The following RMST variants were observed in gnomAD, a reference collection of about 807,000 sequenced individuals.
The protein encoded by RMST is rhabdomyosarcoma 2 associated transcript.
rs1461019596 is a variant in RMST at position 97,558,965 on chromosome 12, A to G, written n.1546-1572A>G. Among the ~76,000 whole-genome samples the G allele has an allele frequency of 3.9e-5, 6 of 152,200 alleles. No homozygotes were observed. In the East Asian group the frequency reaches 1.2e-3, roughly 29 times the overall value. On this transcript the variant is annotated intron_variant and non_coding_transcript_variant, in intron 11 of 13. Coordinates refer to ENST00000640149, the Ensembl canonical transcript of RMST. ...CACTCACTGCAAATATACTCTTCCT[A>G]GAGGGAATGTTCTGAAAATTTGGTC...
chr12:97,511,146 C>T lies in RMST; in HGVS notation n.1340+15090C>T, dbSNP rs577744237. Reference sequence around the variant, plus strand: ...ATAAACTCTCTGGGAAATTGTACTTCCTTCTTTTTTTTTTTTTTTTGAGAT... The same window carrying T: ...ATAAACTCTCTGGGAAATTGTACTTTCTTCTTTTTTTTTTTTTTTTGAGAT... On this transcript the variant is annotated intron_variant and non_coding_transcript_variant, in intron 10 of 13. Coordinates refer to ENST00000640149, the Ensembl canonical transcript of RMST. Among the ~76,000 whole-genome samples the T allele has an allele frequency of 1.2e-3, 182 of 146,016 alleles. 2 individuals carry two copies. The highest frequency in any genetic ancestry group is 2.2e-3 in the Non-Finnish European group (148 of 67,738).
At chr12:97,470,689 AT>A (rs1873809029) in intron 5 of RMST, among the ~76,000 whole-genome samples, 2 of 151,990 alleles carry the variant, frequency 1.3e-5, no homozygotes, top group Non-Finnish European at 2.9e-5. Context: ...GGAAAGTGCA[AT>A]TGTGTTGTGT....
chr12:97,484,734 T>C (rs1418086652), intron 5 of RMST, among the ~76,000 whole-genome samples: 1 of 152,182 alleles, frequency 6.6e-6, no homozygotes, highest in Non-Finnish European at 1.5e-5. Context: ...ATATAACTCT[T>C]CCATTGTAAA....
At chr12:97,484,579 A>G (rs1875852341) in intron 5 of RMST, among the ~76,000 whole-genome samples, 1 of 152,168 alleles carries the variant, frequency 6.6e-6, no homozygotes, top group Non-Finnish European at 1.5e-5. Context: ...CAACTGTGTC[A>G]AACTATGATA....
intron 10 of RMST, among the ~76,000 whole-genome samples, chr12:97,503,414 C>T (rs7957658): frequency 0.18 from 26,987 of 148,038 alleles, 4,627 homozygotes; most frequent in African/African-American, 0.45. Flanking sequence ...TAGAGAATTT[C>T]AAAAACACTC....
intron 10 of RMST, among the ~76,000 whole-genome samples, chr12:97,503,569 A>G (rs1878330252): frequency 6.6e-6 from 1 of 152,156 alleles, no homozygotes; most frequent in African/African-American, 2.4e-5. Flanking sequence ...ACAGACAAAA[A>G]AGATAATGTT....
At chr12:97,524,318 G>A (rs1313343992) in intron 10 of RMST, among the ~76,000 whole-genome samples, 1 of 151,912 alleles carries the variant, frequency 6.6e-6, no homozygotes, top group Non-Finnish European at 1.5e-5. Context: ...TGATATACAG[G>A]ATCATTAAAG....
chr12:97,478,852 G>A (rs920617032), intron 5 of RMST, among the ~76,000 whole-genome samples: 24 of 152,106 alleles, frequency 1.6e-4, no homozygotes, highest in Non-Finnish European at 2.4e-4. Context: ...TTTGCTTGCT[G>A]TAGAGCCTGC....
chr12:97,473,745 C>A (rs543840891), intron 5 of RMST, among the ~76,000 whole-genome samples: 44 of 152,186 alleles, frequency 2.9e-4, no homozygotes, highest in African/African-American at 1.0e-3. Flanking sequence ...CTTTCTATCT[C>A]AAATAGGAAA....
At chr12:97,508,660 T>G (rs1445013807) in intron 10 of RMST, among the ~76,000 whole-genome samples, 7 of 152,184 alleles carry the variant, frequency 4.6e-5, no homozygotes, top group Non-Finnish European at 8.8e-5. Flanking sequence ...GTGTAACTTT[T>G]TTGTTGTTGT....
chr12:97,562,500 G>A lies in RMST; in HGVS notation n.1958+1453G>A, dbSNP rs1884194009. 1.3e-5 allele frequency among the ~76,000 whole-genome samples: 2 copies of A among 152,100 alleles called. 1 individual carries two copies. Among genetic ancestry groups the A allele is most frequent in the South Asian group, 4.1e-4 (2 of 4,822 alleles). On this transcript the variant is annotated intron_variant and non_coding_transcript_variant, in intron 13 of 13. Coordinates refer to ENST00000640149, the Ensembl canonical transcript of RMST. ...CTGGTGGGGAGAGCTGAGCCAGCTG[G>A]GGGAGGAGGTAGAGGTGGAGTCTGG...
rs953029752 is a variant in RMST, at chr12:97,553,835, G to GA, written n.1546-6693dup. ...TTCCCAGCATGAGTAATATTTAATT[G>GA]AAAAAAAAATCAAGTTTACTTAAGT... On this transcript the variant is annotated intron_variant and non_coding_transcript_variant, in intron 11 of 13. Transcript: ENST00000640149. Among the ~76,000 whole-genome samples the GA allele has an allele frequency of 5.0e-4, 74 of 146,950 alleles. 1 individual carries two copies. Among genetic ancestry groups the GA allele is most frequent in the Non-Finnish European group, 9.7e-4 (65 of 66,762 alleles).
At chr12:97,548,071 T>G (rs1339244921) in intron 11 of RMST, among the ~76,000 whole-genome samples, 2 of 152,156 alleles carry the variant, frequency 1.3e-5, no homozygotes, top group Non-Finnish European at 2.9e-5. Context: ...TTGATTTTTG[T>G]ATATAGTTTG....
At chr12:97,539,430 T>C (rs1216753015) in intron 11 of RMST, among the ~76,000 whole-genome samples, 2 of 151,548 alleles carry the variant, frequency 1.3e-5, no homozygotes, top group African/African-American at 2.4e-5. Context: ...ATTCAGACAC[T>C]AGATTTGGCC....
chr12:97,482,266 G>A (rs1198157839), intron 5 of RMST, among the ~76,000 whole-genome samples: 1 of 152,136 alleles, frequency 6.6e-6, no homozygotes, highest in Admixed American at 6.5e-5. Context: ...GAGAATATGA[G>A]GTCTATTATG....
In RMST at chr12:97,549,156, G is replaced by T. The variant is rs1370915032; in HGVS notation, n.1546-11381G>T. ...TGCACATCATTAGCATTCAAACGAGGTTCCATAAGAAGTTGAAATCTCCTT... is the reference window on the plus strand; with the variant it reads ...TGCACATCATTAGCATTCAAACGAGTTTCCATAAGAAGTTGAAATCTCCTT... On this transcript the variant is annotated intron_variant and non_coding_transcript_variant, in intron 11 of 13. Transcript: ENST00000640149. 2.0e-5 allele frequency among the ~76,000 whole-genome samples: 3 copies of T among 152,068 alleles called. 1 individual carries two copies. In the South Asian group the frequency reaches 6.2e-4, roughly 31 times the overall value.
rs1883363607 is a variant in RMST, at chr12:97,552,315, AG to A, written n.1546-8220del. On this transcript the variant is annotated intron_variant and non_coding_transcript_variant, in intron 11 of 13. Transcript: ENST00000640149. ...TAAAGTCGTAATCTATTTTGAAAGCAGGTTGGTATTTAAAAAGTGAAATAAA... is the reference window on the plus strand; with the variant it reads ...TAAAGTCGTAATCTATTTTGAAAGCAGTTGGTATTTAAAAAGTGAAATAAA... 3.9e-5 allele frequency: 6 copies of A among 152,234 alleles called. No homozygotes were observed. The South Asian group carries it at 1.2e-3, about 32-fold the overall frequency. 9.4% of individuals were successfully genotyped at this position (152,234 alleles called of 1,614,324 possible).
At chr12:97,474,627 A>AAG (rs1874323838) in intron 5 of RMST, among the ~76,000 whole-genome samples, 1 of 150,490 alleles carries the variant, frequency 6.6e-6, no homozygotes, top group Non-Finnish European at 1.5e-5. Flanking sequence ...AAGAAGCCAA[A>AAG]AAAAAAAAAA....
chr12:97,561,866 T>C (rs746594942), intron 13 of RMST, among the ~76,000 whole-genome samples: 43 of 152,136 alleles, frequency 2.8e-4, no homozygotes, highest in Admixed American at 7.2e-4. Context: ...CAAACTAATG[T>C]TTTAATACAT....
Sources: gnomAD v4.1 joint callset for allele counts (sites outside exome capture counted in the v4.1 genomes callset) on GRCh38, gnomAD v4.1.1 for gene constraint, MANE v1.5 for transcripts, NCBI Gene and HGNC (gene_info 2026-07-23, HGNC 2026-07-21) for gene names.